PRKN: variants seen among roughly 807,000 people sequenced by gnomAD.
PRKN encodes E3 ubiquitin-protein ligase parkin.
A neutral mutation model predicts 59.5 loss-of-function variants in PRKN; 56 were observed. That is an observed-to-expected ratio of 0.94 (90% CI 0.76 to 1.18). The LOEUF (loss-of-function observed/expected upper bound fraction) is 1.18, where lower values mean the gene tolerates loss of function less well. Ranked by LOEUF, PRKN falls within the 50% of genes most tolerant of loss-of-function variation. The probability of loss-of-function intolerance (pLI) is 0.00; values close to 1 mark genes in which losing one functional copy is unlikely to be tolerated. For synonymous variants in PRKN, 250 were observed against 222.1 expected (o/e 1.13, Z -1.12); for missense variants, 657 against 596.4 (o/e 1.10, Z -1.06).
chr6:162,343,528 T>C (rs910001005), intron 2 of PRKN, among the ~76,000 whole-genome samples: 2 of 152,180 alleles, frequency 1.3e-5, no homozygotes, highest in Admixed American at 6.5e-5. Flanking sequence ...GTAGACTACA[T>C]GGTGGCACTA....
chr6:162,682,935 C>T (rs1441505978), intron 1 of PRKN, among the ~76,000 whole-genome samples: 4 of 151,990 alleles, frequency 2.6e-5, no homozygotes, highest in African/African-American at 4.8e-5. Context: ...AGGTATACAG[C>T]TTATATTAAA....
At position 162,420,990 on chromosome 6, in the gene PRKN, C is replaced by T. The variant is rs188039474; in HGVS notation, c.171+22320G>A. 2.1e-3 allele frequency among the ~76,000 whole-genome samples: 327 copies of T among 152,292 alleles called. 2 individuals carry two copies. The highest frequency in any genetic ancestry group is 7.4e-3 in the African/African-American group (307 of 41,570). On this transcript the variant is annotated intron_variant, in intron 2 of 11. Coordinates refer to ENST00000366898, the MANE Select transcript of PRKN (RefSeq NM_004562.3). ...AGAAAGACTGAGCTCAAATGCCTTA[C>T]GTCTGCCCCAAGAGAAGCTAGCATT...
chr6:162,334,405 A>T (rs1478614075), intron 2 of PRKN, among the ~76,000 whole-genome samples: 1 of 152,220 alleles, frequency 6.6e-6, no homozygotes, highest in Non-Finnish European at 1.5e-5. Context: ...ATTTCCATTA[A>T]AATCCTAGGG....
chr6:162,043,485 T>A (rs747692194), intron 5 of PRKN, among the ~76,000 whole-genome samples: 19 of 152,226 alleles, frequency 1.2e-4, no homozygotes, highest in Non-Finnish European at 2.2e-4. Context: ...TTCACTGATG[T>A]GCAGTCTTGC....
chr6:161,658,447 T>C (rs933093334), intron 7 of PRKN, among the ~76,000 whole-genome samples: 5 of 152,208 alleles, frequency 3.3e-5, no homozygotes, highest in African/African-American at 9.7e-5. Flanking sequence ...GAAATCATCT[T>C]TGAAAAGTCA....
intron 3 of PRKN, among the ~76,000 whole-genome samples, chr6:162,240,063 G>A (rs1365879851): frequency 6.6e-6 from 1 of 152,058 alleles, no homozygotes; most frequent in South Asian, 2.1e-4. Flanking sequence ...TATAACATTT[G>A]CATTTGTTCA....
chr6:161,900,478 T>A lies in PRKN; in HGVS notation c.734+72824A>T, dbSNP rs955046862. Reference sequence around the variant, plus strand: ...AAATTATACATAATTTACTATGTAATATATAATATAAATTATATATTATAA... The same window carrying A: ...AAATTATACATAATTTACTATGTAAAATATAATATAAATTATATATTATAA... On this transcript the variant is annotated intron_variant, in intron 6 of 11. Coordinates refer to ENST00000366898, the MANE Select transcript of PRKN (RefSeq NM_004562.3). 2.8e-5 allele frequency among the ~76,000 whole-genome samples: 4 copies of A among 142,098 alleles called. No homozygotes were observed. The Admixed American group carries it at 3.0e-4, about 11-fold the overall frequency. The allele number at this position is 142,098 out of a possible 152,430, so 93.2% of individuals were successfully genotyped here.
intron 2 of PRKN, among the ~76,000 whole-genome samples, chr6:162,384,652 A>AAAC (rs200938339): frequency 0.037 from 5,379 of 145,864 alleles, 135 homozygotes; most frequent in South Asian, 0.092. Context: ...ATTTGTAAAA[A>AAAC]AAAAAAAAAA....
At chr6:161,801,171 C>A (rs1791060807) in intron 6 of PRKN, among the ~76,000 whole-genome samples, 1 of 152,228 alleles carries the variant, frequency 6.6e-6, no homozygotes, top group South Asian at 2.1e-4. Flanking sequence ...AGAGCCAGCG[C>A]TGCATAAGTT....
intron 6 of PRKN, among the ~76,000 whole-genome samples, chr6:161,791,885 G>A (rs1433510067): frequency 6.6e-6 from 1 of 152,212 alleles, no homozygotes; most frequent in African/African-American, 2.4e-5. Flanking sequence ...TAGGAAAAGT[G>A]CAGAAACGGC....
intron 5 of PRKN, among the ~76,000 whole-genome samples, chr6:161,997,996 G>T (rs1014366555): frequency 1.2e-4 from 18 of 152,082 alleles, no homozygotes; most frequent in Admixed American, 1.2e-3. Context: ...ACAGCTGACA[G>T]AAATGGTTTA....
At chr6:161,800,845 C>T (rs1415295291) in intron 6 of PRKN, among the ~76,000 whole-genome samples, 1 of 152,180 alleles carries the variant, frequency 6.6e-6, no homozygotes, top group Admixed American at 6.5e-5. Context: ...TTAGTGAATG[C>T]TTCTAATGTG....
chr6:162,329,043 G>A (rs1562674810), intron 2 of PRKN, among the ~76,000 whole-genome samples: 2 of 152,116 alleles, frequency 1.3e-5, no homozygotes, highest in Non-Finnish European at 1.5e-5. Context: ...ATATATAAGT[G>A]CGTATCTGTA....
chr6:162,145,326 A>C (rs113513739), intron 4 of PRKN, among the ~76,000 whole-genome samples: 2,326 of 152,278 alleles, frequency 0.015, 59 homozygotes, highest in African/African-American at 0.054. Flanking sequence ...ATGTAGAATA[A>C]AACACAGGGA....
rs1044914350 is a variant in PRKN at position 162,588,170 on chromosome 6, C to T, written c.7+139492G>A. 2.0e-5 allele frequency among the ~76,000 whole-genome samples: 3 copies of T among 151,812 alleles called. No homozygotes were observed. In the South Asian group the frequency reaches 6.2e-4, roughly 32 times the overall value. ...GGATTATAGGTGCATGCCGCCATCC[C>T]TAACTAATTTTTGTATTTTTAGTAA... On this transcript the variant is annotated intron_variant, in intron 1 of 11. Transcript: ENST00000366898.
intron 2 of PRKN, among the ~76,000 whole-genome samples, chr6:162,322,575 T>C (rs1208761625): frequency 6.6e-6 from 1 of 152,120 alleles, no homozygotes; most frequent in African/African-American, 2.4e-5. Context: ...AATGTGGAAT[T>C]GACATCAAGA....
chr6:162,296,717 A>G (rs757652394), intron 2 of PRKN, among the ~76,000 whole-genome samples: 3 of 152,156 alleles, frequency 2.0e-5, no homozygotes, highest in Non-Finnish European at 4.4e-5. Context: ...CAATTAATTT[A>G]CGTATTTAAG....
chr6:162,397,242 T>C (rs1029409395), intron 2 of PRKN, among the ~76,000 whole-genome samples: 4 of 152,294 alleles, frequency 2.6e-5, no homozygotes, highest in African/African-American at 9.6e-5. Context: ...TCTCTTCATT[T>C]AGCAACTGTT....
At chr6:162,075,964 CTTT>C (rs201642343) in intron 4 of PRKN, among the ~76,000 whole-genome samples, 3 of 132,972 alleles carry the variant, frequency 2.3e-5, no homozygotes, top group East Asian at 2.6e-4. Flanking sequence ...GAAAGGCTTG[CTTT>C]TTTTTTTTTT....
Sources: gnomAD v4.1 joint callset for allele counts (sites outside exome capture counted in the v4.1 genomes callset) on GRCh38, gnomAD v4.1.1 for gene constraint, MANE v1.5 for transcripts, NCBI Gene and HGNC (gene_info 2026-07-23, HGNC 2026-07-21) for gene names.